Variants in EIF3K observed in about 807,000 individuals in gnomAD.
EIF3K encodes the protein eukaryotic translation initiation factor 3 subunit K, also known as eIF-3 p28.
A neutral mutation model predicts 34.2 loss-of-function variants in EIF3K; 27 were observed. The observed-to-expected ratio is 0.79, with a 90% CI of 0.58 to 1.09. The LOEUF is 1.09. EIF3K is among the 50% of genes least tolerant of loss of function. The pLI is 0.00. For missense variants in EIF3K, 232 were observed against 275.4 expected (o/e 0.84, Z 1.11); for synonymous variants, 105 against 105.7 (o/e 0.99, Z 0.04).
intron 6 of EIF3K, 73 bp from the exon 7 acceptor site, chr19:38,634,920 C>G (rs1367960501): frequency 1.2e-6 from 2 of 1,600,860 alleles, no homozygotes; most frequent in Non-Finnish European, 1.7e-6. Flanking sequence ...AGCCATGACT[C>G]TGTTGCCTCT....
At chr19:38,635,747 T>C in intron 7 of EIF3K, 1 of 152,272 alleles carries the variant, frequency 6.6e-6, no homozygotes, top group Non-Finnish European at 1.5e-5. Context: ...ATTATGACCA[T>C]CGTCTACACA....
intron 2 of EIF3K, among the ~76,000 whole-genome samples, chr19:38,621,897 C>T (rs1165583251): frequency 7.0e-6 from 1 of 142,844 alleles, no homozygotes; most frequent in African/African-American, 2.6e-5. Context: ...GTGGGTTCTT[C>T]GTGCCCTTTT....
intron 4 of EIF3K, among the ~76,000 whole-genome samples, chr19:38,626,505 A>G (rs981137494): frequency 5.3e-5 from 8 of 152,110 alleles, no homozygotes; most frequent in Admixed American, 4.6e-4. Flanking sequence ...TTGAAAATTA[A>G]TTGGGTGTGG....
At chr19:38,634,871 GAGAT>G in intron 6 of EIF3K, 118 bp from the exon 7 acceptor site, 8 of 1,410,852 alleles carry the variant, frequency 5.7e-6, no homozygotes, top group Non-Finnish European at 7.7e-6. Flanking sequence ...TGCTGTCCAG[GAGAT>G]GTCAGTGGGC....
intron 5 of EIF3K, 32 bp from the exon 6 acceptor site, chr19:38,632,569 C>T: frequency 6.2e-7 from 1 of 1,613,200 alleles, no homozygotes; most frequent in Non-Finnish European, 8.5e-7. Flanking sequence ...GGGGGGACAG[C>T]TGCTCACCGG....
intron 1 of EIF3K, 52 bp from the exon 2 acceptor site, chr19:38,620,285 C>T: frequency 6.6e-7 from 1 of 1,526,566 alleles, no homozygotes; most frequent in East Asian, 2.3e-5. Flanking sequence ...CATAAGGTGG[C>T]TGGCCTCAGC....
At chr19:38,631,232 AAG>A (rs1976057856) in intron 4 of EIF3K, among the ~76,000 whole-genome samples, 1 of 152,184 alleles carries the variant, frequency 6.6e-6, no homozygotes, top group African/African-American at 2.4e-5. Flanking sequence ...AGTATAGAGA[AAG>A]AGAAAAGGGG....
rs1201019615 is a variant in EIF3K at position 38,628,105 on chromosome 19, T to C, written c.354+2003T>C. Among the ~76,000 whole-genome samples, 3 of 152,156 alleles carry C rather than the reference T, an allele frequency of 2.0e-5. No homozygotes were observed. The East Asian group carries it at 5.8e-4, about 29-fold the overall frequency. On this transcript the variant is annotated intron_variant, in intron 4 of 7. Transcript: ENST00000248342. Reference sequence around the variant, plus strand: ...TTTTAGTAGAGACGGGGTTTCACCATGTTGGCCAGGCTGGTCTCGAACTAC... The same window carrying C: ...TTTTAGTAGAGACGGGGTTTCACCACGTTGGCCAGGCTGGTCTCGAACTAC...
intron 7 of EIF3K, among the ~76,000 whole-genome samples, chr19:38,636,424 A>G (rs573113501): frequency 8.5e-5 from 13 of 152,164 alleles, no homozygotes; most frequent in Non-Finnish European, 1.8e-4. Context: ...TGGAGGTTGC[A>G]GTGAGCCAAG....
intron 2 of EIF3K, among the ~76,000 whole-genome samples, chr19:38,621,412 C>CAAAAAAAAAAAAAAAAAAAAAAAAAAAA (rs767592946): frequency 6.6e-6 from 1 of 151,632 alleles, no homozygotes. Context: ...GACCCTGTCT[C>CAAAAAAAAAAAAAAAAAAAAAAAAAAAA]AAAAATAAAT....
intron 2 of EIF3K, among the ~76,000 whole-genome samples, chr19:38,622,671 C>T (rs1455221333): frequency 6.6e-6 from 1 of 152,188 alleles, no homozygotes. Context: ...GCGGGAATTT[C>T]CTCTTCCTAA....
At chr19:38,633,474 G>A (rs1976115514) in intron 6 of EIF3K, among the ~76,000 whole-genome samples, 1 of 152,154 alleles carries the variant, frequency 6.6e-6, no homozygotes, top group Non-Finnish European at 1.5e-5. Flanking sequence ...GAGGTGGGCG[G>A]ATCATCTGTG....
chr19:38,631,933 T>G, intron 4 of EIF3K: 1 of 210,182 alleles, frequency 4.8e-6, no homozygotes. Context: ...AACCCTGAGT[T>G]GACCCAGCAC....
intron 3 of EIF3K, 149 bp from the exon 4 acceptor site, chr19:38,625,879 A>C (rs911953988): frequency 1.4e-6 from 1 of 739,748 alleles, no homozygotes. Context: ...ATACACCTGC[A>C]GGAGAAATAA....
rs569135713 is a variant in EIF3K at position 38,629,966 on chromosome 19, A to G, written c.355-2464A>G. 2.8e-4 allele frequency among the ~76,000 whole-genome samples: 42 copies of G among 152,274 alleles called. 2 individuals carry two copies. In the South Asian group the frequency reaches 7.5e-3, roughly 27 times the overall value. ...GGAGGTGGCTGAATACACTTAGCCA[A>G]TATGTGTCTGCCCCCTTTCTCAGGG... On this transcript the variant is annotated intron_variant, in intron 4 of 7. Transcript: ENST00000248342.
intron 4 of EIF3K, among the ~76,000 whole-genome samples, chr19:38,626,948 A>G (rs991935607): frequency 3.3e-5 from 5 of 152,064 alleles, no homozygotes; most frequent in Admixed American, 3.3e-4. Flanking sequence ...CTACAGGCAC[A>G]CGCCATCATG....
chr19:38,633,752 C>G (rs1976123971), intron 6 of EIF3K, among the ~76,000 whole-genome samples: 1 of 151,882 alleles, frequency 6.6e-6, no homozygotes, highest in Non-Finnish European at 1.5e-5. Flanking sequence ...GGAGGCAGAT[C>G]ACGTGAGGTC....
At chr19:38,620,734 AAAATACC>A (rs1348191832) in intron 2 of EIF3K, among the ~76,000 whole-genome samples, 1 of 151,958 alleles carries the variant, frequency 6.6e-6, no homozygotes, top group Non-Finnish European at 1.5e-5. Context: ...TCTTTACTAA[AAAATACC>A]AAATTAGCCA....
chr19:38,621,062 C>T (rs564163694), intron 2 of EIF3K, among the ~76,000 whole-genome samples: 1 of 151,720 alleles, frequency 6.6e-6, no homozygotes, highest in African/African-American at 2.4e-5. Flanking sequence ...ATTAATGTAG[C>T]GGTGTGTGGC....
Sources: gnomAD v4.1 joint callset for allele counts (sites outside exome capture counted in the v4.1 genomes callset) on GRCh38, gnomAD v4.1.1 for gene constraint, MANE v1.5 for transcripts, NCBI Gene and HGNC (gene_info 2026-07-23, HGNC 2026-07-21) for gene names.